XRCC4: variants seen among roughly 807,000 people sequenced by gnomAD.
XRCC4 encodes DNA repair protein XRCC4.
A neutral mutation model predicts 39.1 loss-of-function variants in XRCC4; 28 were observed. That is an observed-to-expected ratio of 0.72 (90% CI 0.53 to 0.98). XRCC4 has a LOEUF of 0.98. Among genes scored for constraint, XRCC4 ranks in the 50% least tolerant of loss-of-function variants. The pLI, the probability that XRCC4 is intolerant of heterozygous loss-of-function variation, is 0.00. For missense variants in XRCC4, 350 were observed against 376.4 expected, an observed-to-expected ratio of 0.93 and a Z score of 0.58; for synonymous variants, 123 against 126.4, an observed-to-expected ratio of 0.97 and a Z score of 0.18.
chr5:83,301,969 T>C (rs1755300513), intron 7 of XRCC4, among the ~76,000 whole-genome samples: 1 of 152,146 alleles, frequency 6.6e-6, no homozygotes, highest in South Asian at 2.1e-4. Flanking sequence ...GCTCGTTTGG[T>C]TACTGTAGAC....
downstream of XRCC4, among the ~76,000 whole-genome samples, chr5:83,355,897 C>A (rs576342942): frequency 3.9e-5 from 6 of 152,264 alleles, 1 homozygote; most frequent in South Asian, 1.2e-3. Context: ...CTCGGCCTCC[C>A]AAAGTGCTAG....
chr5:83,135,615 CT>C (rs1331987160), intron 3 of XRCC4, among the ~76,000 whole-genome samples: 1 of 152,148 alleles, frequency 6.6e-6, no homozygotes, highest in Non-Finnish European at 1.5e-5. Context: ...GTATTGCCCC[CT>C]GCCACCATTT....
intron 1 of XRCC4, among the ~76,000 whole-genome samples, chr5:83,098,957 A>C (rs1403118204): frequency 6.6e-6 from 1 of 152,130 alleles, no homozygotes; most frequent in African/African-American, 2.4e-5. Context: ...TTTTCTAGCA[A>C]TTATATATGT....
At chr5:83,093,850 G>T (rs188416301) in intron 1 of XRCC4, among the ~76,000 whole-genome samples, 18 of 152,158 alleles carry the variant, frequency 1.2e-4, no homozygotes, top group Admixed American at 9.8e-4. Flanking sequence ...TCTTATTTTT[G>T]AAAGACATCT....
intron 1 of XRCC4, among the ~76,000 whole-genome samples, chr5:83,078,490 G>A (rs371381798): frequency 6.6e-6 from 1 of 152,188 alleles, no homozygotes; most frequent in East Asian, 1.9e-4. Context: ...AAGAGAGAAG[G>A]TAACTCACGT....
At chr5:83,309,481 G>T (rs1286994956) in intron 7 of XRCC4, among the ~76,000 whole-genome samples, 3 of 150,700 alleles carry the variant, frequency 2.0e-5, no homozygotes, top group African/African-American at 7.3e-5. Flanking sequence ...AATGGATTAG[G>T]CTGGGCGCGG....
chr5:83,305,943 G>C (rs1755467364), intron 7 of XRCC4, among the ~76,000 whole-genome samples: 1 of 152,126 alleles, frequency 6.6e-6, no homozygotes, highest in Non-Finnish European at 1.5e-5. Context: ...CTCATTCTCA[G>C]GATGGTCACC....
chr5:83,344,135 C>CACA (rs1756846789), intron 7 of XRCC4, among the ~76,000 whole-genome samples: 1 of 149,524 alleles, frequency 6.7e-6, no homozygotes, highest in South Asian at 2.2e-4. Context: ...AGATCTCACA[C>CACA]ACACACACAC....
At chr5:83,223,831 C>CT (rs1752184710) in intron 6 of XRCC4, among the ~76,000 whole-genome samples, 1 of 99,124 alleles carries the variant, frequency 1.0e-5, no homozygotes, top group Non-Finnish European at 1.9e-5. Context: ...TCCCTCCCCC[C>CT]TCCCCCCACC....
At chr5:83,316,611 A>G (rs1286631894) in intron 7 of XRCC4, among the ~76,000 whole-genome samples, 1 of 147,554 alleles carries the variant, frequency 6.8e-6, no homozygotes, top group Non-Finnish European at 1.5e-5. Flanking sequence ...AAAGAAGGCC[A>G]TTACATAATG....
intron 1 of XRCC4, among the ~76,000 whole-genome samples, chr5:83,102,865 TAAG>T (rs1746004796): frequency 6.6e-6 from 1 of 151,832 alleles, no homozygotes; most frequent in African/African-American, 2.4e-5. Context: ...AGTGCTGTGG[TAAG>T]AAGAGCAGGT....
intron 7 of XRCC4, chr5:83,258,970 T>C: frequency 3.2e-6 from 1 of 311,274 alleles, no homozygotes; most frequent in Non-Finnish European, 6.0e-6. Context: ...CAACTAGTGT[T>C]CAGTAAAGTG....
chr5:83,089,700 T>G (rs1745334756), intron 1 of XRCC4, among the ~76,000 whole-genome samples: 1 of 151,884 alleles, frequency 6.6e-6, no homozygotes, highest in African/African-American at 2.4e-5. Context: ...AGGGAGAAGC[T>G]GGGAATGTTA....
chr5:83,246,590 A>G lies in XRCC4; in HGVS notation c.746-11940A>G, dbSNP rs116621836. Among the ~76,000 whole-genome samples, 1,263 of 152,262 alleles carry G rather than the reference A, an allele frequency of 8.3e-3. 16 individuals carry two copies. Among genetic ancestry groups the G allele is most frequent in the African/African-American group, 0.028 (1,170 of 41,580 alleles). ...TTTTTGGGGCATCTAATACGTACCA[A>G]GCAACATGATGAATCATTTTTCTAA... is the stretch of plus-strand genomic sequence containing the variant. On this transcript the variant is annotated intron_variant, in intron 6 of 7. Transcript: ENST00000396027.
intron 3 of XRCC4, among the ~76,000 whole-genome samples, chr5:83,180,458 T>G (rs1019088200): frequency 1.3e-5 from 2 of 152,142 alleles, no homozygotes; most frequent in South Asian, 2.1e-4. Flanking sequence ...AATTTTTAAG[T>G]GCTCGCTCAG....
At chr5:83,202,654 T>C (rs1437104159) in intron 4 of XRCC4, among the ~76,000 whole-genome samples, 1 of 151,958 alleles carries the variant, frequency 6.6e-6, no homozygotes, top group East Asian at 1.9e-4. Flanking sequence ...ATAAAAATAC[T>C]AGGATACCTG....
At chr5:83,244,554 G>A (rs1753028877) in intron 6 of XRCC4, among the ~76,000 whole-genome samples, 1 of 141,934 alleles carries the variant, frequency 7.0e-6, no homozygotes, top group Non-Finnish European at 1.5e-5. Flanking sequence ...AGCTTAATAT[G>A]CATCCAATGA....
intron 3 of XRCC4, among the ~76,000 whole-genome samples, chr5:83,179,345 T>C (rs566331964): frequency 1.3e-5 from 2 of 152,310 alleles, no homozygotes; most frequent in East Asian, 1.9e-4. Flanking sequence ...CATGTCTCTC[T>C]TTTTTAAATA....
intron 6 of XRCC4, among the ~76,000 whole-genome samples, chr5:83,230,447 A>G (rs1752455433): frequency 6.6e-6 from 1 of 152,002 alleles, no homozygotes; most frequent in Admixed American, 6.6e-5. Context: ...TTATGGCATG[A>G]TATGTGTGAA....
Sources: allele counts gnomAD v4.1 joint callset (sites outside exome capture counted in the v4.1 genomes callset), GRCh38; gene constraint gnomAD v4.1.1; transcripts MANE v1.5; gene names NCBI Gene and HGNC (gene_info 2026-07-23, HGNC 2026-07-21).